Variants in FLACC1 observed in about 807,000 individuals in gnomAD.
FLACC1 encodes flagellum associated containing coiled-coil domains 1.
In FLACC1, 66 loss-of-function variants were observed where a neutral mutation model predicts 62.8. That is an observed-to-expected ratio of 1.05 (90% CI 0.86 to 1.29). FLACC1 has a LOEUF of 1.29. FLACC1 is among the 50% of genes most tolerant of loss of function. FLACC1 has a pLI of 0.00. For missense variants in FLACC1, 452 were observed against 489.1 expected (o/e 0.92, Z 0.71); for synonymous variants, 156 against 161.0 (o/e 0.97, Z 0.24).
chr2:201,362,211 G>T (rs994318228), upstream of FLACC1, among the ~76,000 whole-genome samples: 2 of 152,074 alleles, frequency 1.3e-5, no homozygotes, highest in East Asian at 1.9e-4. Flanking sequence ...ATTTGTGAAA[G>T]AAAACACAAT....
rs34144516 is a variant in FLACC1, at chr2:201,328,177, T to TA, written c.675+2292dup. On this transcript the variant is annotated intron_variant, in intron 9 of 14. Transcript: ENST00000392257. The stretch of plus-strand genomic sequence containing the variant: ...GGGGAGGTGGGAGAGTGGCTTGTGA[T>TA]AAAAAAAAAACAAAACTACACATTA... Among the ~76,000 whole-genome samples the TA allele has an allele frequency of 5.5e-3, 802 of 145,654 alleles. 2 individuals are homozygous for TA. The highest frequency in any genetic ancestry group is 8.0e-3 in the Non-Finnish European group (530 of 65,972).
At chr2:201,330,358 G>T in intron 9 of FLACC1, 112 bp downstream of exon 9, 3 of 1,071,562 alleles carry the variant, frequency 2.8e-6, no homozygotes, top group Non-Finnish European at 4.0e-6. Flanking sequence ...GTCTAAGGAT[G>T]CTGGGAATCT....
At chr2:201,343,672 T>C (rs183687160) in intron 6 of FLACC1, among the ~76,000 whole-genome samples, 2 of 152,276 alleles carry the variant, frequency 1.3e-5, no homozygotes, top group Admixed American at 6.5e-5. Flanking sequence ...AGTCACCAGA[T>C]GAAACAGATG....
chr2:201,342,278 C>A, intron 7 of FLACC1, 92 bp downstream of exon 7: 1 of 1,298,230 alleles, frequency 7.7e-7, no homozygotes, highest in Non-Finnish European at 1.1e-6. Flanking sequence ...CCATTTAGAA[C>A]TATTTGAAGT....
intron 1 of FLACC1, 36 bp from the exon 2 acceptor site, chr2:201,351,487 T>C: frequency 9.5e-7 from 1 of 1,048,436 alleles, no homozygotes; most frequent in Non-Finnish European, 1.4e-6. Context: ...GGTTAAACCA[T>C]TTAGAATCAA....
At chr2:201,325,275 A>C (rs6435078) in intron 9 of FLACC1, among the ~76,000 whole-genome samples, 31,000 of 152,144 alleles carry the variant, frequency 0.2, 3,442 homozygotes, top group South Asian at 0.3. Context: ...AACAAAAAAA[A>C]CGAAGTCCAA....
At position 201,346,458 on chromosome 2, in the gene FLACC1, T is replaced by C. The variant is rs1950915838; in HGVS notation, c.368+84A>G. ...GGGACCAGTGGCCTGGGTGTGGGCA[T>C]AGCGGCTTTGGCTTGTCCCTGAGGC... is the stretch of plus-strand genomic sequence containing the variant. On this transcript the variant is annotated intron_variant, in intron 5 of 14. Transcript: ENST00000392257. This position sits in a 1 kb window ranked among gnomAD's most constrained non-coding sequence, Gnocchi z 4.0. The C allele has an allele frequency of 3.2e-6, 5 of 1,578,556 alleles. No individual in the cohort carries two copies. The highest frequency in any genetic ancestry group is 1.2e-5 in the South Asian group (1 of 86,508).
Position 201,344,256 on chromosome 2 carries a change from TG to T in FLACC1, c.375del (p.Asn125LysfsTer6). ...IPDKGRFSRT[N>X]IISDLEEQIS... is the part of the protein sequence containing the mutation. The stretch of plus-strand genomic sequence containing the variant: ...ATTTGCTCTTCTAGGTCAGAAATGA[TG>T]TTGGTCCTGTAGGAGAAGTAATTCT... On this transcript the variant is annotated frameshift_variant, in exon 6 of 15. Transcript: ENST00000392257. LOFTEE classifies it high-confidence loss of function. 6.2e-7 allele frequency: 1 copy of T among 1,611,064 alleles called. No homozygotes were observed. The highest frequency in any genetic ancestry group is 8.5e-7 in the Non-Finnish European group (1 of 1,177,302).
intron 7 of FLACC1, among the ~76,000 whole-genome samples, chr2:201,334,342 T>C (rs1212156890): frequency 6.6e-6 from 1 of 152,244 alleles, no homozygotes; most frequent in Admixed American, 6.5e-5. Context: ...TGGTGGATGA[T>C]CCTTTCAATA....
Position 201,305,914 on chromosome 2 carries a change from C to T in FLACC1, c.879+1605G>A, listed in dbSNP as rs1297034049. Among the ~76,000 whole-genome samples the T allele has an allele frequency of 3.4e-5, 5 of 146,828 alleles. No homozygotes were observed. The East Asian group carries it at 6.0e-4, about 18-fold the overall frequency. ...ACACTTGGACACAGGTTGGGGAACA[C>T]CACACACCAGGGCCAGTTGTGGGGT... On this transcript the variant is annotated intron_variant, in intron 11 of 14. Coordinates refer to ENST00000392257, the MANE Select transcript of FLACC1 (RefSeq NM_001127391.3).
chr2:201,313,529 C>T (rs1449243905), intron 9 of FLACC1, among the ~76,000 whole-genome samples: 3 of 152,150 alleles, frequency 2.0e-5, no homozygotes, highest in Non-Finnish European at 2.9e-5. Context: ...GGGAACCACA[C>T]CTCCATCCCC....
chr2:201,309,925 A>AAAAAAAAAAAAAAAAAAAAAAAAGAAG (rs764506462), intron 9 of FLACC1, among the ~76,000 whole-genome samples: 1 of 99,390 alleles, frequency 1.0e-5, no homozygotes, highest in Non-Finnish European at 2.3e-5. Flanking sequence ...AAAAAAAAAA[A>AAAAAAAAAAAAAAAAAAAAAAAAGAAG]AAGAAGAAGA....
At chr2:201,307,734 G>A in intron 10 of FLACC1, 112 bp from the exon 11 acceptor site, 1 of 806,010 alleles carries the variant, frequency 1.2e-6, no homozygotes, top group Non-Finnish European at 2.1e-6. Context: ...TCAGACTCAA[G>A]GTCATTGCAG....
rs1576447085 is a variant in FLACC1, at chr2:201,323,805, T to TAAAAAAAAAAAAAAAAAAAAAA, written c.675+6664_675+6665insTTTTTTTTTTTTTTTTTTTTTT. 9.2e-4 allele frequency among the ~76,000 whole-genome samples: 73 copies of TAAAAAAAAAAAAAAAAAAAAAA among 79,264 alleles called. 4 individuals carry two copies. Among genetic ancestry groups the TAAAAAAAAAAAAAAAAAAAAAA allele is most frequent in the South Asian group, 3.4e-3 (6 of 1,752 alleles). The allele number at this position is 79,264 out of a possible 152,430, so 52.0% of individuals were successfully genotyped here. Reference sequence around the variant, plus strand: ...CTATCAAAAAAAAAAAAAAAAAAAGTAAGGAAGGAAGGAAGGAAAGAAAAG... The same window carrying TAAAAAAAAAAAAAAAAAAAAAA: ...CTATCAAAAAAAAAAAAAAAAAAAGTAAAAAAAAAAAAAAAAAAAAAAAAGGAAGGAAGGAAGGAAAGAAAAG... On this transcript the variant is annotated intron_variant, in intron 9 of 14. Transcript: ENST00000392257.
intron 12 of FLACC1, among the ~76,000 whole-genome samples, chr2:201,295,497 T>C (rs1349760431): frequency 5.3e-5 from 8 of 152,140 alleles, no homozygotes; most frequent in Admixed American, 1.3e-4. Flanking sequence ...TTACACCTTA[T>C]ACAAAAATTA....
chr2:201,349,432 C>T (rs1395621218), intron 3 of FLACC1, among the ~76,000 whole-genome samples: 1 of 152,118 alleles, frequency 6.6e-6, no homozygotes, highest in Admixed American at 6.6e-5. Context: ...CATCTTTTTT[C>T]TATGTAGCAC....
chr2:201,346,384 C>T lies in FLACC1; in HGVS notation c.368+158G>A, dbSNP rs1037551713. On this transcript the variant is annotated intron_variant, in intron 5 of 14. Transcript: ENST00000392257. The surrounding 1 kb of genome is among the most constrained non-coding windows in gnomAD (Gnocchi z 4.0). ...AGGCAGATGTGGAGAGATGCATCAT[C>T]AGGAAGCAGGGGCGAGGAGGGAGGT... is the stretch of plus-strand genomic sequence containing the variant. Among the ~76,000 whole-genome samples the T allele has an allele frequency of 3.9e-5, 6 of 152,160 alleles. No individual in the cohort carries two copies. The highest frequency in any genetic ancestry group is 1.3e-4 in the Admixed American group (2 of 15,284).
chr2:201,309,967 T>G (rs960452265), intron 9 of FLACC1, among the ~76,000 whole-genome samples: 1 of 150,570 alleles, frequency 6.6e-6, no homozygotes. Flanking sequence ...TTTGAACACT[T>G]AGAAAATAAG....
chr2:201,293,764 T>G (rs1189870322), intron 12 of FLACC1, among the ~76,000 whole-genome samples: 1 of 150,730 alleles, frequency 6.6e-6, no homozygotes, highest in Non-Finnish European at 1.5e-5. Context: ...ACAAAATTAA[T>G]AGAATGCTAG....
Sources: allele counts gnomAD v4.1 joint callset (sites outside exome capture counted in the v4.1 genomes callset), GRCh38; gene constraint gnomAD v4.1.1; non-coding constraint Gnocchi (gnomAD v3.1); transcripts MANE v1.5; gene names NCBI Gene and HGNC (gene_info 2026-07-23, HGNC 2026-07-21).